The following CNTLN variants were observed in gnomAD, a reference collection of about 807,000 sequenced individuals.
CNTLN encodes centlein, also known as centlein, centrosomal protein.
CNTLN carries 212 observed loss-of-function variants against 180.0 expected under a neutral mutation model. The ratio of observed to expected loss-of-function variants is 1.18; its 90% confidence interval spans 1.05 to 1.32. CNTLN has a LOEUF of 1.32. CNTLN is among the 40% of genes most tolerant of loss of function. CNTLN has a pLI of 0.00. For missense variants in CNTLN, 2,095 were observed against 1,610.9 expected (o/e 1.30, Z -5.14); for synonymous variants, 722 against 563.1 (o/e 1.28, Z -3.99).
chr9:17,236,177 C>G (rs1315129878), intron 4 of CNTLN, among the ~76,000 whole-genome samples: 2 of 152,036 alleles, frequency 1.3e-5, no homozygotes, highest in Non-Finnish European at 2.9e-5. Context: ...TTAATGGGCT[C>G]TTTGCAAATG....
intron 2 of CNTLN, among the ~76,000 whole-genome samples, chr9:17,208,819 A>T (rs1420400565): frequency 6.6e-6 from 1 of 151,954 alleles, no homozygotes; most frequent in East Asian, 1.9e-4. Context: ...CTCCTTTTTC[A>T]TCTTTGATTT....
At chr9:17,271,794 A>G (rs1372092251) in intron 5 of CNTLN, among the ~76,000 whole-genome samples, 1 of 152,106 alleles carries the variant, frequency 6.6e-6, no homozygotes, top group Non-Finnish European at 1.5e-5. Flanking sequence ...CACCTCTGTT[A>G]TTACTTATCA....
At chr9:17,361,018 G>C (rs1420234611) in intron 12 of CNTLN, among the ~76,000 whole-genome samples, 2 of 152,024 alleles carry the variant, frequency 1.3e-5, no homozygotes, top group African/African-American at 4.8e-5. Flanking sequence ...TGGGAGAGGT[G>C]TGTTAAAATC....
intron 13 of CNTLN, among the ~76,000 whole-genome samples, chr9:17,367,401 T>TAAAG (rs1564034618): frequency 6.6e-6 from 1 of 151,524 alleles, no homozygotes; most frequent in South Asian, 2.1e-4. Context: ...TATATAAACT[T>TAAAG]AAAAGACTGT....
At chr9:17,302,875 C>G (rs961547698) in intron 7 of CNTLN, among the ~76,000 whole-genome samples, 1 of 152,068 alleles carries the variant, frequency 6.6e-6, no homozygotes, top group East Asian at 1.9e-4. Context: ...TACTATAAGC[C>G]AGGGAGAATC....
Position 17,466,754 on chromosome 9 carries a change from G to A in CNTLN, c.3718G>A (p.Ala1240Thr), listed in dbSNP as rs756918836. Residue 1240 changes from alanine to threonine, a missense_variant, in exon 23 of 26, where the codon GCA becomes ACA. Ala to Thr is a moderately conservative substitution (Grantham distance 58). Coordinates refer to ENST00000380647, the MANE Select transcript of CNTLN (RefSeq NM_017738.4). ...ATCAAGAATAAGTGAGACTGAATCT[G>A]CAATGGCAGAAATTGAAACAGCAGC... ...LVSRISETES[A>T]MAEIETAASK... The A allele has an allele frequency of 1.9e-6, 3 of 1,610,530 alleles. No homozygotes were observed. Among genetic ancestry groups the A allele is most frequent in the Admixed American group, 3.4e-5 (2 of 59,692 alleles).
intron 15 of CNTLN, among the ~76,000 whole-genome samples, chr9:17,396,051 G>T (rs7870427): frequency 0.82 from 124,498 of 152,210 alleles, 51,394 homozygotes; most frequent in Non-Finnish European, 0.87. Flanking sequence ...TTGTCTTCAC[G>T]GCTACACTCG....
At chr9:17,168,548 A>G (rs938480159) in intron 2 of CNTLN, 1 of 152,178 alleles carries the variant, frequency 6.6e-6, no homozygotes, top group Non-Finnish European at 1.5e-5. Flanking sequence ...GAATTAAATA[A>G]AAATATGTGA....
intron 2 of CNTLN, among the ~76,000 whole-genome samples, chr9:17,183,156 C>T (rs1242379277): frequency 1.3e-5 from 2 of 152,080 alleles, no homozygotes; most frequent in South Asian, 2.1e-4. Flanking sequence ...TGTGGACCTT[C>T]AAGTTTGGTC....
At chr9:17,145,007 A>G (rs936355419) in intron 2 of CNTLN, among the ~76,000 whole-genome samples, 6 of 149,814 alleles carry the variant, frequency 4.0e-5, no homozygotes, top group African/African-American at 9.8e-5. Flanking sequence ...GCGCCCGGCT[A>G]ATTTTTTGTA....
rs187511632 is a variant in CNTLN at position 17,236,382 on chromosome 9, A to G, written c.670-27A>G. 4.0e-4 allele frequency: 602 copies of G among 1,520,748 alleles called. 1 individual carries two copies. Among genetic ancestry groups the G allele is most frequent in the Non-Finnish European group, 3.6e-4 (414 of 1,138,568 alleles). The allele number at this position is 1,520,748 out of a possible 1,614,324, so 94.2% of individuals were successfully genotyped here. On this transcript the variant is annotated intron_variant, in intron 4 of 25. Coordinates refer to ENST00000380647, the MANE Select transcript of CNTLN (RefSeq NM_017738.4). The stretch of plus-strand genomic sequence containing the variant: ...TTTTTTGTTTCGTTTTGTTTTATTT[A>G]TTTGCCCTTGTGGTACTGTTCTACA...
chr9:17,164,457 G>GTTTTTTTTTTTTTTTTTTTTT (rs772109564), intron 2 of CNTLN, among the ~76,000 whole-genome samples: 1 of 68,456 alleles, frequency 1.5e-5, no homozygotes, highest in African/African-American at 6.1e-5. Context: ...TTATTTTTAT[G>GTTTTTTTTTTTTTTTTTTTTT]TTTTTTTTTT....
intron 14 of CNTLN, among the ~76,000 whole-genome samples, chr9:17,393,543 A>C (rs1826268744): frequency 6.6e-6 from 1 of 152,132 alleles, no homozygotes; most frequent in African/African-American, 2.4e-5. Context: ...ATCCCAGTTG[A>C]ATCCCAGAAA....
rs116111979 is a variant in CNTLN at position 17,485,007 on chromosome 9, A to G, written c.4041+527A>G. ...AAAATACTTCTGTCTGAGTGAATTT[A>G]TATGCATACAGGCATAGTCTTTAAT... is the stretch of plus-strand genomic sequence containing the variant. On this transcript the variant is annotated intron_variant, in intron 24 of 25. Coordinates refer to ENST00000380647, the MANE Select transcript of CNTLN (RefSeq NM_017738.4). Among the ~76,000 whole-genome samples, 688 of 152,260 alleles carry G rather than the reference A, an allele frequency of 4.5e-3. 5 individuals carry two copies. The highest frequency in any genetic ancestry group is 0.015 in the African/African-American group (607 of 41,554).
chr9:17,496,507 C>T (rs905058168), intron 25 of CNTLN, among the ~76,000 whole-genome samples: 16 of 152,270 alleles, frequency 1.1e-4, no homozygotes, highest in East Asian at 5.8e-4. Context: ...AATTACCTCC[C>T]GAAGCCCTTA....
chr9:17,254,800 A>G (rs1826372596), intron 5 of CNTLN, among the ~76,000 whole-genome samples: 1 of 151,536 alleles, frequency 6.6e-6, no homozygotes, highest in East Asian at 1.9e-4. Context: ...GAATTTTAGG[A>G]TGGTATTTTA....
At chr9:17,385,902 A>G (rs1825650068) in intron 13 of CNTLN, among the ~76,000 whole-genome samples, 1 of 152,198 alleles carries the variant, frequency 6.6e-6, no homozygotes, top group African/African-American at 2.4e-5. Context: ...GAACGACTGT[A>G]TGTGTTTCTT....
chr9:17,456,677 C>T (rs1356662836), intron 18 of CNTLN, among the ~76,000 whole-genome samples: 3 of 152,008 alleles, frequency 2.0e-5, no homozygotes, highest in East Asian at 3.9e-4. Context: ...ATCATTTTGT[C>T]TAATTGTACC....
chr9:17,459,546 A>G (rs771241200), intron 19 of CNTLN, among the ~76,000 whole-genome samples: 1 of 151,842 alleles, frequency 6.6e-6, no homozygotes, highest in Non-Finnish European at 1.5e-5. Context: ...GTCTACTACT[A>G]AAAATTTTTG....
Sources: gnomAD v4.1 joint callset for allele counts (sites outside exome capture counted in the v4.1 genomes callset) on GRCh38, gnomAD v4.1.1 for gene constraint, MANE v1.5 for transcripts, NCBI Gene and HGNC (gene_info 2026-07-23, HGNC 2026-07-21) for gene names.